ACACA: variants seen among roughly 807,000 people sequenced by gnomAD.
ACACA encodes acetyl-CoA carboxylase 1.
Under a neutral mutation model 296.1 loss-of-function variants are expected in ACACA, and 103 were observed. That is an observed-to-expected ratio of 0.35 (90% CI 0.30 to 0.41). The LOEUF is 0.41. Ranked by LOEUF, ACACA falls within the 10% of genes least tolerant of loss-of-function variation. The pLI, the probability that ACACA is intolerant of heterozygous loss-of-function variation, is 1.00. For missense variants in ACACA, 1,554 were observed against 2,989.7 expected (o/e 0.52, Z 11.20); for synonymous variants, 953 against 1,038.6 (o/e 0.92, Z 1.58).
chr17:37,182,505 T>C (rs2144899281), intron 39 of ACACA, among the ~76,000 whole-genome samples: 1 of 152,298 alleles, frequency 6.6e-6, no homozygotes, highest in Non-Finnish European at 1.5e-5. Flanking sequence ...TGCTTCATAC[T>C]CCATATATTT....
chr17:37,337,954 G>A (rs867569278), intron 2 of ACACA, among the ~76,000 whole-genome samples: 8 of 151,842 alleles, frequency 5.3e-5, no homozygotes, highest in Admixed American at 1.3e-4. Flanking sequence ...AAAATTAGCC[G>A]GGCGTAGTGG....
At chr17:37,279,718 TGA>T (rs1950946198) in intron 5 of ACACA, among the ~76,000 whole-genome samples, 1 of 150,420 alleles carries the variant, frequency 6.6e-6, no homozygotes, top group Non-Finnish European at 1.5e-5. Flanking sequence ...GGCTGAGGCA[TGA>T]GAGTCGCTTG....
At chr17:37,338,624 CAAAA>C (rs907238637) in intron 2 of ACACA, among the ~76,000 whole-genome samples, 1 of 150,956 alleles carries the variant, frequency 6.6e-6, no homozygotes, top group African/African-American at 2.4e-5. Context: ...CAAAAAAAAA[CAAAA>C]AACCTTTAAA....
chr17:37,219,914 GA>G (rs1470897175), intron 29 of ACACA, among the ~76,000 whole-genome samples: 1 of 151,646 alleles, frequency 6.6e-6, no homozygotes, highest in Non-Finnish European at 1.5e-5. Flanking sequence ...TCACAAAGAT[GA>G]TTTTATTTTT....
At chr17:37,212,624 G>C (rs1352915759) in intron 29 of ACACA, among the ~76,000 whole-genome samples, 4 of 151,818 alleles carry the variant, frequency 2.6e-5, no homozygotes, top group Non-Finnish European at 4.4e-5. Flanking sequence ...TGTCCATAAT[G>C]ATCATTTACA....
At chr17:37,301,427 A>G (rs758580380) in intron 3 of ACACA, 3 of 985,214 alleles carry the variant, frequency 3.0e-6, no homozygotes, top group Non-Finnish European at 3.6e-6. Context: ...CAGCATTGTA[A>G]CATGCCAAAC....
chr17:37,231,829 A>G lies in ACACA; in HGVS notation c.3246+3146T>C, dbSNP rs967465436. Among the ~76,000 whole-genome samples, 2 of 152,258 alleles carry G rather than the reference A, an allele frequency of 1.3e-5. 1 individual carries two copies. The highest frequency in any genetic ancestry group is 3.8e-4 in the East Asian group (2 of 5,206). On this transcript the variant is annotated intron_variant, in intron 25 of 55. Transcript: ENST00000616317. ...AATTAGCTTAATCTGGCTAAAGATT[A>G]AAGAGTTCCTTAAATATCTCTAAGC...
chr17:37,218,919 T>C (rs2079156243), intron 29 of ACACA, among the ~76,000 whole-genome samples: 1 of 152,224 alleles, frequency 6.6e-6, no homozygotes, highest in African/African-American at 2.4e-5. Context: ...AATAAAGACT[T>C]TGGCCATTGT....
chr17:37,167,079 G>A (rs987893281), intron 41 of ACACA, among the ~76,000 whole-genome samples: 2 of 150,420 alleles, frequency 1.3e-5, no homozygotes, highest in African/African-American at 4.9e-5. Flanking sequence ...TGAGTAGCTG[G>A]GATTACAGGT....
At chr17:37,330,669 A>C (rs1424848018) in intron 2 of ACACA, among the ~76,000 whole-genome samples, 1 of 152,226 alleles carries the variant, frequency 6.6e-6, no homozygotes, top group Admixed American at 6.5e-5. Context: ...TTTTCTCAAA[A>C]GCCTATAAGG....
chr17:37,262,649 G>C (rs1029428418), intron 11 of ACACA, among the ~76,000 whole-genome samples: 1 of 152,102 alleles, frequency 6.6e-6, no homozygotes, highest in Non-Finnish European at 1.5e-5. Flanking sequence ...CAATAAACCT[G>C]TTTCTGGTAA....
At chr17:37,146,787 C>T (rs1459156577) in intron 45 of ACACA, among the ~76,000 whole-genome samples, 1 of 151,060 alleles carries the variant, frequency 6.6e-6, no homozygotes, top group African/African-American at 2.4e-5. Context: ...GAGTGAGCAT[C>T]AAGAACAAAA....
At chr17:37,114,670 T>C (rs1182603760) in intron 50 of ACACA, among the ~76,000 whole-genome samples, 3 of 152,238 alleles carry the variant, frequency 2.0e-5, no homozygotes, top group Non-Finnish European at 1.5e-5. Flanking sequence ...CAACTTTTTA[T>C]GGACTTCCCA....
intron 29 of ACACA, among the ~76,000 whole-genome samples, chr17:37,210,759 A>G (rs2078713768): frequency 6.7e-6 from 1 of 149,582 alleles, no homozygotes; most frequent in African/African-American, 2.5e-5. Context: ...ACCAAAAAAA[A>G]AAAAAAAAAA....
Position 37,193,367 on chromosome 17 carries a change from T to C in ACACA, c.4200+7A>G. On this transcript the variant is annotated splice_region_variant and intron_variant, in intron 36 of 55. Transcript: ENST00000616317. ...TTTTTTTAAATAGGAAAGAAATCAATCCTTACCTTATCCCTTGCTCGGAAT... is the reference window on the plus strand; with the variant it reads ...TTTTTTTAAATAGGAAAGAAATCAACCCTTACCTTATCCCTTGCTCGGAAT... 6.3e-7 allele frequency: 1 copy of C among 1,590,610 alleles called. No homozygotes were observed. The highest frequency in any genetic ancestry group is 8.6e-7 in the Non-Finnish European group (1 of 1,159,318).
chr17:37,106,191 A>C (rs181325803), intron 52 of ACACA, among the ~76,000 whole-genome samples: 16 of 152,324 alleles, frequency 1.1e-4, no homozygotes, highest in Non-Finnish European at 1.5e-4. Flanking sequence ...TATATCCATA[A>C]CAGGTGTGCC....
At chr17:37,329,619 C>T (rs1327759698) in intron 3 of ACACA, among the ~76,000 whole-genome samples, 2 of 140,974 alleles carry the variant, frequency 1.4e-5, no homozygotes, top group Admixed American at 7.5e-5. Flanking sequence ...CCCATTTGGG[C>T]GACAGAGTGA....
intron 54 of ACACA, among the ~76,000 whole-genome samples, chr17:37,095,193 C>T (rs1174484874): frequency 6.6e-6 from 1 of 152,218 alleles, no homozygotes; most frequent in Non-Finnish European, 1.5e-5. Context: ...CACACACATA[C>T]ACACACACTC....
chr17:37,302,115 C>T (rs1003665485), intron 3 of ACACA, among the ~76,000 whole-genome samples: 5 of 150,378 alleles, frequency 3.3e-5, no homozygotes, highest in Non-Finnish European at 7.4e-5. Context: ...GTAGCTGGAA[C>T]TAAAAGAACA....
Sources: allele counts gnomAD v4.1 joint callset (sites outside exome capture counted in the v4.1 genomes callset), GRCh38; gene constraint gnomAD v4.1.1; transcripts MANE v1.5; gene names NCBI Gene and HGNC (gene_info 2026-07-23, HGNC 2026-07-21).